Variants in PARD3 observed in about 807,000 individuals in gnomAD.
PARD3 encodes partitioning defective 3 homolog.
PARD3 carries 75 observed loss-of-function variants against 155.4 expected under a neutral mutation model. The ratio of observed to expected loss-of-function variants is 0.48; its 90% CI spans 0.40 to 0.58. The LOEUF (loss-of-function observed/expected upper bound fraction) is 0.58, where lower values mean the gene tolerates loss of function less well. Among genes scored for constraint, PARD3 ranks in the 20% least tolerant of loss-of-function variants. The pLI, the probability that PARD3 is intolerant of heterozygous loss-of-function variation, is 0.00. For missense variants in PARD3, 1,642 were observed against 1,721.7 expected (o/e 0.95, Z 0.82); for synonymous variants, 576 against 610.5 (o/e 0.94, Z 0.83).
chr10:34,422,002 T>C (rs1358314503), intron 5 of PARD3, among the ~76,000 whole-genome samples: 1 of 151,950 alleles, frequency 6.6e-6, no homozygotes, highest in Non-Finnish European at 1.5e-5. Context: ...AGAAGATATC[T>C]GGGTAAAGCA....
intron 23 of PARD3, among the ~76,000 whole-genome samples, chr10:34,123,774 A>G (rs1223157798): frequency 6.6e-6 from 1 of 152,150 alleles, no homozygotes; most frequent in Non-Finnish European, 1.5e-5. Flanking sequence ...CTCTTAATTA[A>G]ATAAAATCAT....
intron 15 of PARD3, chr10:34,346,031 C>T: frequency 2.0e-6 from 2 of 985,296 alleles, no homozygotes; most frequent in Non-Finnish European, 2.4e-6. Context: ...ATTTAGCCTA[C>T]CCTTAAATAG....
At chr10:34,116,435 A>G (rs1343580778) in intron 24 of PARD3, among the ~76,000 whole-genome samples, 2 of 152,228 alleles carry the variant, frequency 1.3e-5, no homozygotes, top group African/African-American at 2.4e-5. Flanking sequence ...TCTTTGAAGA[A>G]TATCACATGT....
chr10:34,644,494 G>A (rs949865087), intron 2 of PARD3, among the ~76,000 whole-genome samples: 5 of 152,210 alleles, frequency 3.3e-5, no homozygotes, highest in African/African-American at 1.2e-4. Context: ...GCTGCAGGAG[G>A]GATTTGTGCT....
chr10:34,432,494 C>G (rs1320199459), intron 5 of PARD3, among the ~76,000 whole-genome samples: 2 of 151,812 alleles, frequency 1.3e-5, no homozygotes, highest in African/African-American at 4.8e-5. Flanking sequence ...TTAAAAGAAA[C>G]AAGAAAAGAA....
chr10:34,526,000 T>G (rs1478769066), intron 2 of PARD3, among the ~76,000 whole-genome samples: 1 of 146,578 alleles, frequency 6.8e-6, no homozygotes, highest in Non-Finnish European at 1.5e-5. Context: ...GGGAATCGCT[T>G]GAACGTGGGA....
intron 17 of PARD3, 168 bp from the exon 18 acceptor site, chr10:34,336,411 A>G (rs1836195638): frequency 5.3e-6 from 3 of 567,326 alleles, no homozygotes; most frequent in South Asian, 2.3e-5. Context: ...AGGAAAAAAA[A>G]GCAGTGTCTC....
intron 22 of PARD3, among the ~76,000 whole-genome samples, chr10:34,246,470 C>T (rs1953956633): frequency 6.6e-6 from 1 of 152,160 alleles, no homozygotes; most frequent in African/African-American, 2.4e-5. Context: ...CCAAACCACA[C>T]TGCAGCCACC....
intron 22 of PARD3, among the ~76,000 whole-genome samples, chr10:34,184,369 G>A (rs1276626908): frequency 2.0e-5 from 3 of 152,084 alleles, no homozygotes; most frequent in African/African-American, 7.2e-5. Flanking sequence ...AGCTCGCAGT[G>A]TTCTCTAACT....
intron 14 of PARD3, among the ~76,000 whole-genome samples, chr10:34,355,973 A>G (rs1164970515): frequency 2.7e-5 from 4 of 150,196 alleles, no homozygotes; most frequent in Non-Finnish European, 4.4e-5. Flanking sequence ...AAAAAAACAG[A>G]CAACAGACCC....
chr10:34,429,559 GTTT>G lies in PARD3; in HGVS notation c.714+20755_714+20757del, dbSNP rs200421556. 1.3e-3 allele frequency among the ~76,000 whole-genome samples: 39 copies of G among 31,166 alleles called. 2 individuals carry two copies. The highest frequency in any genetic ancestry group is 8.7e-3 in the East Asian group (12 of 1,382). The allele number at this position is 31,166 out of a possible 152,430, so 20.4% of individuals were successfully genotyped here. A position where few individuals can be genotyped will look rare whatever the true frequency, so the allele number is the denominator to read the frequency against. On this transcript the variant is annotated intron_variant, in intron 5 of 24. Transcript: ENST00000374788. ...TACAGCCCCACTCTAACTCAGTTTT[GTTT>G]TGTTTTGTTTTGTTTTGTTTTGTTT...
chr10:34,196,447 T>C (rs1293339911), intron 22 of PARD3, among the ~76,000 whole-genome samples: 1 of 152,186 alleles, frequency 6.6e-6, no homozygotes, highest in East Asian at 1.9e-4. Flanking sequence ...GACAGGATGG[T>C]CCTAGCTCCC....
chr10:34,318,236 CTATT>C lies in PARD3; in HGVS notation c.2834-902_2834-899del, dbSNP rs1958139798. Reference sequence around the variant, plus strand: ...CTACCAAAAGAGCTTAAACATTTCTCTATTAAATAAGAAGCAGAGAGACACGTAT... The same window carrying C: ...CTACCAAAAGAGCTTAAACATTTCTCAAATAAGAAGCAGAGAGACACGTAT... On this transcript the variant is annotated intron_variant, in intron 19 of 24. Coordinates refer to ENST00000374788, the MANE Select transcript of PARD3 (RefSeq NM_001184785.2). 2.6e-5 allele frequency among the ~76,000 whole-genome samples: 4 copies of C among 152,162 alleles called. No homozygotes were observed. In the South Asian group the frequency reaches 8.3e-4, roughly 32 times the overall value.
chr10:34,146,503 G>C (rs1279357962), intron 22 of PARD3, among the ~76,000 whole-genome samples: 3 of 152,136 alleles, frequency 2.0e-5, no homozygotes, highest in Admixed American at 2.0e-4. Context: ...CTGTTTTAAA[G>C]ATTTAACCGA....
Position 34,464,594 on chromosome 10 carries a change from A to C in PARD3, c.582+5491T>G, listed in dbSNP as rs537870078. On this transcript the variant is annotated intron_variant, in intron 4 of 24. Coordinates refer to ENST00000374788, the MANE Select transcript of PARD3 (RefSeq NM_001184785.2). The stretch of plus-strand genomic sequence containing the variant: ...AAGGGTACTTCTAAAGGTTACTTAT[A>C]AAAGCAAACAAAATTGGCAAAAATA... Among the ~76,000 whole-genome samples, 108 of 152,354 alleles carry C rather than the reference A, an allele frequency of 7.1e-4. 1 individual carries two copies. The highest frequency in any genetic ancestry group is 3.5e-3 in the South Asian group (17 of 4,826).
intron 2 of PARD3, among the ~76,000 whole-genome samples, chr10:34,604,993 A>C (rs1262116630): frequency 6.6e-6 from 1 of 151,974 alleles, no homozygotes; most frequent in Non-Finnish European, 1.5e-5. Flanking sequence ...TGATAGAATT[A>C]AAAATTGTAG....
intron 2 of PARD3, among the ~76,000 whole-genome samples, chr10:34,596,605 C>A (rs1377935547): frequency 6.6e-6 from 1 of 152,168 alleles, no homozygotes; most frequent in Non-Finnish European, 1.5e-5. Context: ...TCATCACCCT[C>A]CACGAGTTCC....
At chr10:34,587,507 C>T (rs2088199587) in intron 2 of PARD3, among the ~76,000 whole-genome samples, 3 of 152,122 alleles carry the variant, frequency 2.0e-5, no homozygotes, top group Admixed American at 2.0e-4. Context: ...AAAAAGCAGG[C>T]ACAGTGCTAC....
At chr10:34,141,481 T>C (rs1948184585) in intron 22 of PARD3, among the ~76,000 whole-genome samples, 1 of 152,210 alleles carries the variant, frequency 6.6e-6, no homozygotes, top group Non-Finnish European at 1.5e-5. Flanking sequence ...TAATCCTGCA[T>C]TTGCTTCTGA....
Sources: allele counts gnomAD v4.1 joint callset (sites outside exome capture counted in the v4.1 genomes callset), GRCh38; gene constraint gnomAD v4.1.1; transcripts MANE v1.5; gene names NCBI Gene and HGNC (gene_info 2026-07-23, HGNC 2026-07-21).